Variants in FOXK2 observed in about 807,000 individuals in gnomAD.
FOXK2 encodes the protein forkhead box K2, also known as forkhead box protein K2.
In FOXK2, 24 loss-of-function variants were observed where a neutral mutation model predicts 53.3. The observed-to-expected ratio is 0.45, with a 90% CI of 0.33 to 0.63. The LOEUF (loss-of-function observed/expected upper bound fraction) is 0.63, where lower values mean the gene tolerates loss of function less well. Among genes scored for constraint, FOXK2 ranks in the 30% least tolerant of loss-of-function variants. The pLI, the probability that FOXK2 is intolerant of heterozygous loss-of-function variation, is 0.03. For synonymous variants in FOXK2, 505 were observed against 407.1 expected (o/e 1.24, Z -2.89); for missense variants, 952 against 910.5 (o/e 1.05, Z -0.59).
chr17:82,563,975 C>T (rs2044826116), intron 2 of FOXK2, among the ~76,000 whole-genome samples: 1 of 151,954 alleles, frequency 6.6e-6, no homozygotes, highest in Non-Finnish European at 1.5e-5. Flanking sequence ...TGGTCTTGAA[C>T]TCCTGACCTC....
intron 1 of FOXK2, among the ~76,000 whole-genome samples, chr17:82,520,588 T>C (rs1470964186): frequency 6.6e-6 from 1 of 152,216 alleles, no homozygotes. Flanking sequence ...GGGTCAAGGT[T>C]TCTGGGTTCT....
intron 1 of FOXK2, among the ~76,000 whole-genome samples, chr17:82,541,716 A>AT (rs948457146): frequency 3.5e-4 from 51 of 147,630 alleles, no homozygotes; most frequent in East Asian, 2.3e-3. Context: ...AGGAAGGGTG[A>AT]TTTTTTTCTT....
chr17:82,575,708 C>T (rs1032700955), intron 4 of FOXK2, among the ~76,000 whole-genome samples: 1 of 152,120 alleles, frequency 6.6e-6, no homozygotes, highest in African/African-American at 2.4e-5. Context: ...ATTGCTACAG[C>T]CGAGACAAGC....
At chr17:82,575,060 A>G (rs916021778) in intron 4 of FOXK2, among the ~76,000 whole-genome samples, 1 of 152,250 alleles carries the variant, frequency 6.6e-6, no homozygotes, top group Non-Finnish European at 1.5e-5. Flanking sequence ...AAACAAATCA[A>G]AGGGACACAC....
intron 8 of FOXK2, among the ~76,000 whole-genome samples, chr17:82,596,794 TCTC>T (rs2045318256): frequency 1.3e-5 from 2 of 152,204 alleles, no homozygotes; most frequent in Admixed American, 1.3e-4. Context: ...TCTCTGCCGA[TCTC>T]CTTGATTTCA....
intron 4 of FOXK2, among the ~76,000 whole-genome samples, chr17:82,572,757 A>G (rs758314330): frequency 6.6e-6 from 1 of 152,218 alleles, no homozygotes; most frequent in Non-Finnish European, 1.5e-5. Flanking sequence ...TGAGGCTTTA[A>G]TGAGTAAATG....
At chr17:82,548,900 C>T (rs147225097) in intron 1 of FOXK2, among the ~76,000 whole-genome samples, 90 of 152,224 alleles carry the variant, frequency 5.9e-4, no homozygotes, top group African/African-American at 2.0e-3. Flanking sequence ...CTCGATGCAT[C>T]GGCACAGGAG....
chr17:82,538,689 A>G (rs1599883398), intron 1 of FOXK2, among the ~76,000 whole-genome samples: 2 of 151,938 alleles, frequency 1.3e-5, no homozygotes, highest in Admixed American at 1.3e-4. Context: ...ATGAAAAAGA[A>G]CCCCACCAAA....
chr17:82,554,820 C>G (rs1427001452), intron 1 of FOXK2, among the ~76,000 whole-genome samples: 1 of 151,780 alleles, frequency 6.6e-6, no homozygotes, highest in African/African-American at 2.4e-5. Context: ...TCTGGGCTCA[C>G]TGCAACCTCC....
At chr17:82,580,052 C>T (rs1401028936) in intron 4 of FOXK2, among the ~76,000 whole-genome samples, 9 of 117,662 alleles carry the variant, frequency 7.6e-5, no homozygotes, top group African/African-American at 2.7e-4. Flanking sequence ...ATCCACAGGG[C>T]CCAGATCCCT....
intron 2 of FOXK2, among the ~76,000 whole-genome samples, chr17:82,564,161 C>T (rs1369957010): frequency 1.4e-5 from 2 of 143,732 alleles, no homozygotes; most frequent in African/African-American, 5.2e-5. Flanking sequence ...GATCTCGGCT[C>T]ACTGCAACCT....
intron 1 of FOXK2, among the ~76,000 whole-genome samples, chr17:82,546,793 CA>C (rs986957588): frequency 8.5e-5 from 13 of 152,110 alleles, no homozygotes; most frequent in African/African-American, 2.9e-4. Context: ...ATAAAGAACT[CA>C]GGCCGGGTGC....
rs2045133016 is a variant in FOXK2 at position 82,585,890 on chromosome 17, G to A, written c.1280-14G>A. The A allele has an allele frequency of 1.2e-6, 2 of 1,601,948 alleles. No homozygotes were observed. The highest frequency in any genetic ancestry group is 1.7e-6 in the Non-Finnish European group (2 of 1,172,266). ...AGTATCTGTAAGTGTCAGTCCTGCT[G>A]TGTCTTTCACCAGGGTCACCTCTGT... is the stretch of plus-strand genomic sequence containing the variant. On this transcript the variant is annotated splice_polypyrimidine_tract_variant and intron_variant, in intron 6 of 8. Coordinates refer to ENST00000335255, the MANE Select transcript of FOXK2 (RefSeq NM_004514.4).
intron 1 of FOXK2, among the ~76,000 whole-genome samples, chr17:82,530,539 C>T (rs1379912550): frequency 7.9e-6 from 1 of 127,252 alleles, no homozygotes; most frequent in Non-Finnish European, 1.6e-5. Context: ...GAGACAGAGT[C>T]TCGCTCTGTC....
chr17:82,526,578 C>T (rs2044420366), intron 1 of FOXK2, among the ~76,000 whole-genome samples: 1 of 151,632 alleles, frequency 6.6e-6, no homozygotes, highest in Non-Finnish European at 1.5e-5. Flanking sequence ...CGCCTGTGAT[C>T]CCAGCACTTT....
intron 1 of FOXK2, among the ~76,000 whole-genome samples, chr17:82,525,272 G>A (rs988647564): frequency 1.3e-5 from 2 of 152,120 alleles, no homozygotes; most frequent in Non-Finnish European, 2.9e-5. Flanking sequence ...TGGGTTCTGG[G>A]TTCAAGCAAT....
chr17:82,557,637 G>A (rs1365348051), intron 1 of FOXK2, among the ~76,000 whole-genome samples: 2 of 152,044 alleles, frequency 1.3e-5, no homozygotes, highest in Non-Finnish European at 2.9e-5. Context: ...GAGCCACTGT[G>A]TCCGGCCTCT....
In FOXK2 at chr17:82,604,272, A is replaced by G. The variant is rs1226057298; in HGVS notation, c.*2773A>G. On this transcript the variant is annotated 3_prime_UTR_variant, in exon 9 of 9. Coordinates refer to ENST00000335255, the MANE Select transcript of FOXK2 (RefSeq NM_004514.4). ...ATGACCCACGTCACGTGGTGCACTC[A>G]GAGTGTGTGCGGCATGATCCTCGGT... is the stretch of plus-strand genomic sequence containing the variant. 1 of 151,120 alleles carries G rather than the reference A, an allele frequency of 6.6e-6. No individual in the cohort carries two copies. The highest frequency in any genetic ancestry group is 6.6e-5 in the Admixed American group (1 of 15,242). The allele number at this position is 151,120 out of a possible 1,614,324, so 9.4% of individuals were successfully genotyped here. A position where few individuals can be genotyped will look rare whatever the true frequency, so the allele number is the denominator to read the frequency against.
chr17:82,591,037 C>T (rs1056368959), intron 8 of FOXK2, among the ~76,000 whole-genome samples: 1 of 152,204 alleles, frequency 6.6e-6, no homozygotes, highest in Non-Finnish European at 1.5e-5. Context: ...GGCTTGGCCC[C>T]TGCGTGTGTC....
Sources: allele counts gnomAD v4.1 joint callset (sites outside exome capture counted in the v4.1 genomes callset), GRCh38; gene constraint gnomAD v4.1.1; transcripts MANE v1.5; gene names NCBI Gene and HGNC (gene_info 2026-07-23, HGNC 2026-07-21).